The following OPCML variants were observed in gnomAD, a reference collection of about 807,000 sequenced individuals.
The protein encoded by OPCML is opioid-binding protein/cell adhesion molecule.
A neutral mutation model predicts 37.8 loss-of-function variants in OPCML; 13 were observed. The observed-to-expected ratio is 0.34, with a 90% CI of 0.22 to 0.55. The LOEUF (loss-of-function observed/expected upper bound fraction) is 0.55. Ranked by LOEUF, OPCML falls within the 20% of genes least tolerant of loss-of-function variation. OPCML has a pLI of 0.91. For synonymous variants in OPCML, 176 were observed against 168.8 expected, an observed-to-expected ratio of 1.04 and a Z score of -0.33; for missense variants, 341 against 435.6, an observed-to-expected ratio of 0.78 and a Z score of 1.93.
intron 1 of OPCML, among the ~76,000 whole-genome samples, chr11:133,141,552 C>T (rs1949823910): frequency 6.6e-6 from 1 of 152,114 alleles, no homozygotes; most frequent in Non-Finnish European, 1.5e-5. Flanking sequence ...CAGATGACGG[C>T]AGTTCATAAC....
intron 1 of OPCML, among the ~76,000 whole-genome samples, chr11:133,127,624 C>T (rs1294329731): frequency 6.7e-6 from 1 of 148,256 alleles, no homozygotes; most frequent in African/African-American, 2.5e-5. Flanking sequence ...CAGAGAGAGG[C>T]TCTGTCTCAA....
Position 133,206,433 on chromosome 11 carries a change from A to G in OPCML, c.62-263423T>C, listed in dbSNP as rs1939064774. On this transcript the variant is annotated intron_variant, in intron 1 of 7. Coordinates refer to ENST00000524381, the MANE Select transcript of OPCML (RefSeq NM_001012393.5). This position sits in a 1 kb window ranked among gnomAD's most constrained non-coding sequence, Gnocchi z 4.7. ...TCCTGAGCTATGAAATATAAAAACT[A>G]TATGATCAAAGGCCCTTTCAGCTCT... is the stretch of plus-strand genomic sequence containing the variant. Among the ~76,000 whole-genome samples, 1 of 152,200 alleles carries G rather than the reference A, an allele frequency of 6.6e-6. No individual in the cohort carries two copies. Among genetic ancestry groups the G allele is most frequent in the South Asian group, 2.1e-4 (1 of 4,822 alleles).
chr11:133,178,953 G>A (rs1170303029), intron 1 of OPCML, among the ~76,000 whole-genome samples: 1 of 152,154 alleles, frequency 6.6e-6, no homozygotes, highest in Non-Finnish European at 1.5e-5. Flanking sequence ...AAAGGGGAAA[G>A]ACTCTGAACT....
intron 1 of OPCML, among the ~76,000 whole-genome samples, chr11:133,416,989 C>G (rs990786877): frequency 2.0e-5 from 3 of 152,202 alleles, no homozygotes; most frequent in Admixed American, 2.0e-4. Context: ...ACTCTTGAAC[C>G]ACAAGATTTA....
chr11:133,313,678 G>A (rs1943119350), intron 1 of OPCML, among the ~76,000 whole-genome samples: 1 of 152,132 alleles, frequency 6.6e-6, no homozygotes, highest in South Asian at 2.1e-4. Context: ...GCCAGGGAAT[G>A]CAGGTGGCCT....
intron 1 of OPCML, among the ~76,000 whole-genome samples, chr11:133,042,210 G>A (rs535595524): frequency 8.5e-5 from 13 of 152,280 alleles, no homozygotes; most frequent in South Asian, 6.2e-4. Flanking sequence ...CGAGGGCCTC[G>A]CCCACGTGGC....
At chr11:132,877,292 C>A (rs1190236318) in intron 2 of OPCML, among the ~76,000 whole-genome samples, 1 of 151,924 alleles carries the variant, frequency 6.6e-6, no homozygotes, top group Non-Finnish European at 1.5e-5. Flanking sequence ...GCTGCACCCC[C>A]CCACCCAAAA....
At chr11:132,895,230 A>T (rs1235871541) in intron 2 of OPCML, among the ~76,000 whole-genome samples, 1 of 152,232 alleles carries the variant, frequency 6.6e-6, no homozygotes, top group Non-Finnish European at 1.5e-5. Flanking sequence ...CACTTATAAG[A>T]GACAAGAAAC....
At chr11:132,779,190 A>C (rs1031402125) in intron 2 of OPCML, among the ~76,000 whole-genome samples, 2 of 151,588 alleles carry the variant, frequency 1.3e-5, no homozygotes, top group African/African-American at 4.8e-5. Flanking sequence ...CTGGCCTCGA[A>C]CTCCTGACCT....
intron 4 of OPCML, among the ~76,000 whole-genome samples, chr11:132,476,391 G>C (rs980274874): frequency 2.2e-4 from 34 of 151,952 alleles, no homozygotes; most frequent in Non-Finnish European, 3.7e-4. Flanking sequence ...ACATGCACAC[G>C]TATGTTTATT....
At chr11:132,422,559 A>C (rs2095963413) in intron 7 of OPCML, among the ~76,000 whole-genome samples, 1 of 152,026 alleles carries the variant, frequency 6.6e-6, no homozygotes, top group Non-Finnish European at 1.5e-5. Context: ...CAATGATGAC[A>C]ACACACGTTC....
chr11:132,631,159 C>T (rs1222280716), intron 3 of OPCML, among the ~76,000 whole-genome samples: 2 of 151,682 alleles, frequency 1.3e-5, no homozygotes, highest in Non-Finnish European at 2.9e-5. Context: ...TCATAATTTT[C>T]CTCCAGTGGC....
At chr11:133,520,115 G>A (rs754790142) in intron 1 of OPCML, among the ~76,000 whole-genome samples, 10 of 152,130 alleles carry the variant, frequency 6.6e-5, no homozygotes, top group Non-Finnish European at 1.0e-4. Context: ...CTCAATGTGT[G>A]GGTAAGTTAC....
At chr11:133,154,064 A>G (rs1302623682) in intron 1 of OPCML, among the ~76,000 whole-genome samples, 1 of 151,968 alleles carries the variant, frequency 6.6e-6, no homozygotes, top group Non-Finnish European at 1.5e-5. Context: ...CACCCTGCAG[A>G]GAGGGTGAAT....
intron 1 of OPCML, among the ~76,000 whole-genome samples, chr11:133,466,245 G>C (rs1946975411): frequency 6.6e-6 from 1 of 152,178 alleles, no homozygotes; most frequent in African/African-American, 2.4e-5. Context: ...GATTTCCAGA[G>C]AGAAGTCTGC....
intron 4 of OPCML, among the ~76,000 whole-genome samples, chr11:132,465,070 A>G (rs2136928482): frequency 6.6e-6 from 1 of 152,254 alleles, no homozygotes; most frequent in African/African-American, 2.4e-5. Flanking sequence ...GTCTATATGG[A>G]TCTGCCACAT....
At chr11:133,221,539 A>C (rs988013230) in intron 1 of OPCML, among the ~76,000 whole-genome samples, 2 of 152,174 alleles carry the variant, frequency 1.3e-5, no homozygotes, top group Non-Finnish European at 2.9e-5. Flanking sequence ...GGAAACGCTG[A>C]AGCTCTTCTG....
chr11:133,099,497 C>A (rs1949055921), intron 1 of OPCML, among the ~76,000 whole-genome samples: 1 of 134,320 alleles, frequency 7.4e-6, no homozygotes, highest in African/African-American at 2.8e-5. Context: ...TGGTGTTAGT[C>A]AGGATGGTCT....
intron 1 of OPCML, among the ~76,000 whole-genome samples, chr11:133,291,441 C>T (rs943756203): frequency 7.2e-5 from 11 of 152,198 alleles, no homozygotes; most frequent in South Asian, 6.2e-4. Flanking sequence ...GCCCCCTTCC[C>T]TTGGTGGTCA....
Sources: gnomAD v4.1 joint callset for allele counts (sites outside exome capture counted in the v4.1 genomes callset) on GRCh38, gnomAD v4.1.1 for gene constraint, Gnocchi (gnomAD v3.1) non-coding constraint, MANE v1.5 for transcripts, NCBI Gene and HGNC (gene_info 2026-07-23, HGNC 2026-07-21) for gene names.